Variants in GASK1B observed in about 807,000 individuals in gnomAD.
GASK1B encodes golgi associated kinase 1B.
A neutral mutation model predicts 42.8 loss-of-function variants in GASK1B; 34 were observed. The ratio of observed to expected loss-of-function variants is 0.79; its 90% CI spans 0.60 to 1.06. GASK1B has a LOEUF of 1.06. GASK1B is among the 50% of genes least tolerant of loss of function. The pLI is 0.00. For synonymous variants in GASK1B, 262 were observed against 259.1 expected, an observed-to-expected ratio of 1.01 and a Z score of -0.11; for missense variants, 686 against 661.0, an observed-to-expected ratio of 1.04 and a Z score of -0.42.
chr4:158,142,177 C>T (rs1731162641), intron 3 of GASK1B, among the ~76,000 whole-genome samples: 3 of 150,770 alleles, frequency 2.0e-5, no homozygotes, highest in African/African-American at 7.3e-5. Context: ...ATCTCCTGAC[C>T]TCATGATCCA....
intron 2 of GASK1B, among the ~76,000 whole-genome samples, chr4:158,162,957 C>T (rs115792490): frequency 2.0e-5 from 3 of 152,310 alleles, no homozygotes; most frequent in African/African-American, 7.2e-5. Flanking sequence ...CCCTACTGCA[C>T]GCTACCTGTA....
chr4:158,127,917 A>C (rs1026869934), intron 4 of GASK1B, among the ~76,000 whole-genome samples: 1 of 152,160 alleles, frequency 6.6e-6, no homozygotes, highest in African/African-American at 2.4e-5. Flanking sequence ...ATTGGCAGAA[A>C]TACTTTTCTT....
intron 3 of GASK1B, among the ~76,000 whole-genome samples, chr4:158,141,920 CTTTTTTTTTTTTTTTTTTT>C (rs36207959): frequency 1.1e-4 from 5 of 47,616 alleles, no homozygotes; most frequent in African/African-American, 3.5e-4. Flanking sequence ...GTTGTGGTTT[CTTTTTTTTTTTTTTTTTTT>C]TTTTTTTTTT....
In GASK1B at chr4:158,169,779, T is replaced by C. The variant is rs561815570; in HGVS notation, c.910+687A>G. On this transcript the variant is annotated intron_variant, in intron 2 of 4. Coordinates refer to ENST00000585682, the MANE Select transcript of GASK1B (RefSeq NM_001128424.2). ...TTTGCTGGCAACTGCAGTAACTGGCTACATGTGTTAGAACCTGCCAAAATG... is the reference window on the plus strand; with the variant it reads ...TTTGCTGGCAACTGCAGTAACTGGCCACATGTGTTAGAACCTGCCAAAATG... The C allele has an allele frequency of 2.9e-3, 476 of 163,898 alleles. 1 individual carries two copies. Among genetic ancestry groups the C allele is most frequent in the Non-Finnish European group, 5.3e-3 (395 of 74,718 alleles). The allele number at this position is 163,898 out of a possible 1,614,324, so 10.2% of individuals were successfully genotyped here.
chr4:158,147,818 C>CA (rs2110971976), intron 3 of GASK1B, among the ~76,000 whole-genome samples: 1 of 152,012 alleles, frequency 6.6e-6, no homozygotes, highest in African/African-American at 2.4e-5. Flanking sequence ...TCTTGATATA[C>CA]AAAAACATTT....
chr4:158,162,660 A>G (rs1198795701), intron 2 of GASK1B, among the ~76,000 whole-genome samples: 1 of 152,174 alleles, frequency 6.6e-6, no homozygotes, highest in African/African-American at 2.4e-5. Flanking sequence ...TATCTCTTAT[A>G]TACTGGGACG....
chr4:158,142,662 T>C (rs1204522198), intron 3 of GASK1B, among the ~76,000 whole-genome samples: 3 of 152,184 alleles, frequency 2.0e-5, no homozygotes, highest in African/African-American at 7.2e-5. Context: ...ATAGCTGCTA[T>C]TATCAGAAAA....
chr4:158,165,454 C>T (rs1388306529), intron 2 of GASK1B, among the ~76,000 whole-genome samples: 1 of 152,018 alleles, frequency 6.6e-6, no homozygotes, highest in East Asian at 1.9e-4. Flanking sequence ...CACATTGATA[C>T]ACATGTGATT....
Position 158,170,690 on chromosome 4 carries a change from TCCG to T in GASK1B, c.683_685del (p.Ala228del). ...AGGCCGGAGCCCTGCCACTGCGCTG[TCCG>T]CCAAGAGTCGCATTCTTCGGATGTC... On this transcript the variant is annotated inframe_deletion, in exon 2 of 5. Transcript: ENST00000585682. 6.2e-7 allele frequency: 1 copy of T among 1,614,202 alleles called. No individual in the cohort carries two copies. Among genetic ancestry groups the T allele is most frequent in the Non-Finnish European group, 8.5e-7 (1 of 1,180,040 alleles).
At position 158,127,549 on chromosome 4, in the gene GASK1B, A is replaced by C; in HGVS notation, c.1418T>G (p.Leu473Arg). 2 of 1,613,700 alleles carry C rather than the reference A, an allele frequency of 1.2e-6. No homozygotes were observed. The highest frequency in any genetic ancestry group is 1.7e-6 in the Non-Finnish European group (2 of 1,179,768). ...QHLRQKLLQS[L>R]FLDKVYWESQ... ...TTCCCAATACACTTTATCAAGAAACAGAGACTGAAGAAGTTTCTGCCGTAA... is the reference window on the plus strand; with the variant it reads ...TTCCCAATACACTTTATCAAGAAACCGAGACTGAAGAAGTTTCTGCCGTAA... Residue 473 changes from leucine (L) to arginine (R), a missense_variant, in exon 5 of 5, where the codon CTG (leucine) becomes CGG (arginine). Physicochemically the swap from Leu to Arg is moderately radical, Grantham distance 102. Coordinates refer to ENST00000585682, the MANE Select transcript of GASK1B (RefSeq NM_001128424.2).
intron 3 of GASK1B, among the ~76,000 whole-genome samples, chr4:158,154,599 GCA>G (rs1291021218): frequency 6.6e-6 from 1 of 152,174 alleles, no homozygotes; most frequent in East Asian, 1.9e-4. Context: ...GCAAAAATAT[GCA>G]ACCAGACCAA....
At chr4:158,146,405 T>C (rs1282380553) in intron 3 of GASK1B, among the ~76,000 whole-genome samples, 1 of 152,040 alleles carries the variant, frequency 6.6e-6, no homozygotes, top group Non-Finnish European at 1.5e-5. Flanking sequence ...ATAGTTTATT[T>C]AATTCTTACT....
At chr4:158,148,935 G>T (rs367758440) in intron 3 of GASK1B, among the ~76,000 whole-genome samples, 3 of 152,172 alleles carry the variant, frequency 2.0e-5, no homozygotes, top group African/African-American at 4.8e-5. Flanking sequence ...AAAGTAAACA[G>T]ACATTTTGGA....
At chr4:158,158,373 G>A (rs1026242851) in intron 2 of GASK1B, among the ~76,000 whole-genome samples, 21 of 152,086 alleles carry the variant, frequency 1.4e-4, no homozygotes, top group African/African-American at 4.8e-4. Context: ...TGTGCACTAA[G>A]CACTGTTCTA....
At chr4:158,158,286 AT>A (rs1731833506) in intron 2 of GASK1B, among the ~76,000 whole-genome samples, 1 of 152,156 alleles carries the variant, frequency 6.6e-6, no homozygotes, top group Non-Finnish European at 1.5e-5. Flanking sequence ...TGCTCTGATG[AT>A]TATTACATAT....
chr4:158,162,709 C>T (rs1436474535), intron 2 of GASK1B, among the ~76,000 whole-genome samples: 1 of 152,202 alleles, frequency 6.6e-6, no homozygotes, highest in African/African-American at 2.4e-5. Context: ...TGCCTCTCTC[C>T]TTCTGACCCC....
At chr4:158,150,556 C>T (rs4691463) in intron 3 of GASK1B, among the ~76,000 whole-genome samples, 134,397 of 152,146 alleles carry the variant, frequency 0.88, 60,501 homozygotes, top group East Asian at 0.98. Flanking sequence ...ATATCTTCTG[C>T]TAATGTCTAT....
intron 2 of GASK1B, chr4:158,169,651 CAT>C (rs1732377560): frequency 6.6e-6 from 1 of 152,536 alleles, no homozygotes; most frequent in South Asian, 2.1e-4. Flanking sequence ...TGCATTCAAA[CAT>C]AAGCCACTGA....
chr4:158,150,276 G>C (rs1396559736), intron 3 of GASK1B, among the ~76,000 whole-genome samples: 1 of 152,158 alleles, frequency 6.6e-6, no homozygotes, highest in Admixed American at 6.5e-5. Flanking sequence ...CTCCCTCTGA[G>C]ATGAAGGGCA....
Sources: gnomAD v4.1 joint callset for allele counts (sites outside exome capture counted in the v4.1 genomes callset) on GRCh38, gnomAD v4.1.1 for gene constraint, MANE v1.5 for transcripts, NCBI Gene and HGNC (gene_info 2026-07-23, HGNC 2026-07-21) for gene names.